RGS5: variants seen among roughly 807,000 people sequenced by gnomAD.
The protein encoded by RGS5 is regulator of G-protein signalling 5.
A neutral mutation model predicts 18.9 loss-of-function variants in RGS5; 20 were observed. That is an observed-to-expected ratio of 1.06 (90% CI 0.74 to 1.54). The LOEUF (loss-of-function observed/expected upper bound fraction) is 1.54, where lower values mean the gene tolerates loss of function less well. Among genes scored for constraint, RGS5 ranks in the 40% most tolerant of loss-of-function variants. The pLI, the probability that RGS5 is intolerant of heterozygous loss-of-function variation, is 0.00. For missense variants in RGS5, 201 were observed against 211.8 expected (o/e 0.95, Z 0.32); for synonymous variants, 57 against 76.2 (o/e 0.75, Z 1.31).
chr1:163,161,096 T>C (rs1490710002), intron 3 of RGS5, among the ~76,000 whole-genome samples: 1 of 152,188 alleles, frequency 6.6e-6, no homozygotes, highest in Non-Finnish European at 1.5e-5. Context: ...TAGGCATTTC[T>C]TATTTGAATT....
At chr1:163,272,485 A>ACC (rs959480816) in intron 2 of RGS5, among the ~76,000 whole-genome samples, 37 of 152,218 alleles carry the variant, frequency 2.4e-4, no homozygotes, top group African/African-American at 8.9e-4. Flanking sequence ...TTTTTGGCTA[A>ACC]CCCAAAGTCA....
intron 2 of RGS5, among the ~76,000 whole-genome samples, chr1:163,296,593 G>A (rs1285161964): frequency 6.6e-6 from 1 of 152,084 alleles, no homozygotes; most frequent in Admixed American, 6.5e-5. Context: ...ATGCTTTAAG[G>A]CAAACATTTA....
intron 1 of RGS5, among the ~76,000 whole-genome samples, chr1:163,310,161 G>A (rs537129106): frequency 5.3e-5 from 8 of 152,320 alleles, no homozygotes; most frequent in African/African-American, 1.9e-4. Flanking sequence ...CTTAAGGGCT[G>A]TAGAATTTTC....
chr1:163,166,766 G>C (rs1658072269), intron 2 of RGS5, among the ~76,000 whole-genome samples: 1 of 152,230 alleles, frequency 6.6e-6, no homozygotes, highest in Non-Finnish European at 1.5e-5. Context: ...TTCCAGAACA[G>C]CTTCTCTCTG....
At chr1:163,226,209 C>T (rs540762128) in intron 2 of RGS5, among the ~76,000 whole-genome samples, 2 of 93,484 alleles carry the variant, frequency 2.1e-5, no homozygotes, top group African/African-American at 3.0e-5. Flanking sequence ...CATGAGCCAC[C>T]GCACCCAGCC....
intron 1 of RGS5, among the ~76,000 whole-genome samples, chr1:163,180,686 GTT>G (rs1026995196): frequency 4.1e-3 from 254 of 61,920 alleles, no homozygotes; most frequent in African/African-American, 0.016. Flanking sequence ...CCCTTACCCT[GTT>G]TTTTTTTTTT....
In RGS5 at chr1:163,271,261, C is replaced by A. The variant is rs1015086895; in HGVS notation, c.-281+34972G>T. ...AAGGGTAATTAATTGTTTTGGACTG[C>A]ATGTTTGTGTTTCCTGCAAACTAAC... On this transcript the variant is annotated intron_variant, in intron 2 of 5. Transcript: ENST00000618415. 1.3e-5 allele frequency among the ~76,000 whole-genome samples: 2 copies of A among 152,232 alleles called. 1 individual carries two copies. The highest frequency in any genetic ancestry group is 6.8e-3 in the Middle Eastern group (2 of 294).
At chr1:163,152,768 A>G in intron 3 of RGS5, 52 bp from the exon 4 acceptor site, 1 of 1,493,362 alleles carries the variant, frequency 6.7e-7, no homozygotes, top group East Asian at 2.3e-5. Flanking sequence ...TACTTAACAA[A>G]TATTGTATCC....
chr1:163,320,683 G>A (rs3806364), intron 1 of RGS5, among the ~76,000 whole-genome samples: 3 of 151,850 alleles, frequency 2.0e-5, no homozygotes, highest in Non-Finnish European at 4.4e-5. Context: ...TTTTCTTAAT[G>A]TCCTTTTGGG....
At chr1:163,315,380 G>C (rs371928663) in intron 1 of RGS5, among the ~76,000 whole-genome samples, 1 of 152,126 alleles carries the variant, frequency 6.6e-6, no homozygotes, top group East Asian at 1.9e-4. Flanking sequence ...AACATAGTGA[G>C]ACCCCATCTC....
intron 2 of RGS5, among the ~76,000 whole-genome samples, chr1:163,246,042 C>T (rs910418743): frequency 6.6e-6 from 1 of 151,102 alleles, no homozygotes; most frequent in Non-Finnish European, 1.5e-5. Flanking sequence ...AGTGAAACCC[C>T]GTCTCTACTA....
intron 2 of RGS5, among the ~76,000 whole-genome samples, chr1:163,227,844 A>G (rs1006209791): frequency 6.6e-5 from 10 of 152,336 alleles, no homozygotes; most frequent in South Asian, 2.1e-4. Context: ...AAGAGGCTAC[A>G]ATCCCCATGT....
intron 1 of RGS5, among the ~76,000 whole-genome samples, chr1:163,194,496 T>C (rs984713754): frequency 2.6e-5 from 4 of 152,140 alleles, no homozygotes; most frequent in Non-Finnish European, 5.9e-5. Context: ...CTATTACAAA[T>C]GTAATAGTGA....
chr1:163,191,860 G>C (rs1327494834), intron 1 of RGS5, among the ~76,000 whole-genome samples: 1 of 152,126 alleles, frequency 6.6e-6, no homozygotes, highest in Non-Finnish European at 1.5e-5. Flanking sequence ...GCTTCCTCTG[G>C]GGAGAGAAGA....
intron 2 of RGS5, among the ~76,000 whole-genome samples, chr1:163,232,532 A>C (rs1009086350): frequency 1.3e-5 from 2 of 152,168 alleles, no homozygotes; most frequent in African/African-American, 4.8e-5. Context: ...TCTCTCAAGG[A>C]GGAAATGTCT....
chr1:163,233,292 A>T (rs1384869951), intron 2 of RGS5, among the ~76,000 whole-genome samples: 1 of 152,232 alleles, frequency 6.6e-6, no homozygotes, highest in Non-Finnish European at 1.5e-5. Context: ...ACCTGATTAA[A>T]ATGAGATCTA....
At chr1:163,197,474 G>T (rs1659609954) in intron 1 of RGS5, among the ~76,000 whole-genome samples, 1 of 152,138 alleles carries the variant, frequency 6.6e-6, no homozygotes, top group Non-Finnish European at 1.5e-5. Context: ...CTTCGTAGTG[G>T]ATTGCAACAC....
At chr1:163,226,479 A>G (rs1647338358) in intron 2 of RGS5, among the ~76,000 whole-genome samples, 1 of 152,176 alleles carries the variant, frequency 6.6e-6, no homozygotes, top group Non-Finnish European at 1.5e-5. Context: ...GCACTGCTCA[A>G]CTGATGCTAG....
At position 163,143,730 on chromosome 1, in the gene RGS5, C is replaced by G. The variant is rs1264800236; in HGVS notation, c.*3612G>C. ...AGGGAAAATGGCCTGCTAGGGAGAA[C>G]AGTTTCAATAATGAAAATCATTTCT... is the stretch of plus-strand genomic sequence containing the variant. On this transcript the variant is annotated 3_prime_UTR_variant, in exon 5 of 5. Coordinates refer to ENST00000313961, the MANE Select transcript of RGS5 (RefSeq NM_003617.4). 3 of 152,174 alleles carry G rather than the reference C, an allele frequency of 2.0e-5. No homozygotes were observed. The highest frequency in any genetic ancestry group is 1.5e-5 in the Non-Finnish European group (1 of 68,024). The allele number at this position is 152,174 out of a possible 1,614,324, so 9.4% of individuals were successfully genotyped here.
Sources: gnomAD v4.1 joint callset for allele counts (sites outside exome capture counted in the v4.1 genomes callset) on GRCh38, gnomAD v4.1.1 for gene constraint, MANE v1.5 for transcripts, NCBI Gene and HGNC (gene_info 2026-07-23, HGNC 2026-07-21) for gene names.